Variants in APC observed in about 807,000 individuals in gnomAD.
APC encodes adenomatous polyposis coli protein.
A neutral mutation model predicts 247.0 loss-of-function variants in APC; 72 were observed. The ratio of observed to expected loss-of-function variants is 0.29; its 90% CI spans 0.24 to 0.35. APC has a LOEUF of 0.35. Among genes scored for constraint, APC ranks in the 10% least tolerant of loss-of-function variants. The probability of loss-of-function intolerance (pLI) is 1.00; values close to 1 mark genes in which losing one functional copy is unlikely to be tolerated. For missense variants in APC, 3,400 were observed against 3,360.7 expected, an observed-to-expected ratio of 1.01 and a Z score of -0.29; for synonymous variants, 1,254 against 1,162.5, an observed-to-expected ratio of 1.08 and a Z score of -1.60.
intron 2 of APC, among the ~76,000 whole-genome samples, chr5:112,757,105 A>C (rs949922229): frequency 6.6e-5 from 10 of 152,062 alleles, no homozygotes; most frequent in South Asian, 2.1e-4. Flanking sequence ...CATAAATTTT[A>C]TTTTACTCAG....
In APC at chr5:112,803,987, C is replaced by T. The variant is rs1054528607; in HGVS notation, c.834+2604C>T. Among the ~76,000 whole-genome samples, 6 of 151,976 alleles carry T rather than the reference C, an allele frequency of 3.9e-5. No individual in the cohort carries two copies. The East Asian group carries it at 7.7e-4, about 20-fold the overall frequency. On this transcript the variant is annotated intron_variant, in intron 8 of 15. Transcript: ENST00000257430. The stretch of plus-strand genomic sequence containing the variant: ...GTTGCTTACTCTTCCAAGAGTATCT[C>T]ACAATATTTGCCCACATTTCTCACC...
chr5:112,802,124 T>C (rs1345578943), intron 8 of APC, among the ~76,000 whole-genome samples: 2 of 152,130 alleles, frequency 1.3e-5, no homozygotes, highest in Non-Finnish European at 2.9e-5. Context: ...ACTAAATTGT[T>C]CTTAAAGGTA....
intron 6 of APC, among the ~76,000 whole-genome samples, chr5:112,791,910 C>G (rs980513693): frequency 6.6e-6 from 1 of 152,066 alleles, no homozygotes; most frequent in Non-Finnish European, 1.5e-5. Flanking sequence ...CTAAGCAGAT[C>G]TAGACATCTG....
intron 2 of APC, among the ~76,000 whole-genome samples, chr5:112,760,717 A>T (rs918344910): frequency 1.3e-5 from 2 of 152,192 alleles, no homozygotes; most frequent in East Asian, 3.8e-4. Context: ...GAGAACTTTC[A>T]TATTTTCTAT....
At chr5:112,832,720 T>C (rs749073743) in intron 14 of APC, among the ~76,000 whole-genome samples, 7 of 152,232 alleles carry the variant, frequency 4.6e-5, no homozygotes, top group African/African-American at 1.7e-4. Flanking sequence ...TCTCTGGGAA[T>C]GTACAGGTCT....
chr5:112,769,384 C>A (rs1391896350), intron 4 of APC, among the ~76,000 whole-genome samples: 2 of 151,918 alleles, frequency 1.3e-5, no homozygotes, highest in Non-Finnish European at 1.5e-5. Context: ...AGTTTTAATA[C>A]CTGAAAAAAA....
At chr5:112,710,874 A>G (rs955695014) in intron 1 of APC, among the ~76,000 whole-genome samples, 2 of 152,254 alleles carry the variant, frequency 1.3e-5, no homozygotes, top group Admixed American at 1.3e-4. Context: ...AGAAATTAAT[A>G]CATGTTAAAT....
At chr5:112,749,453 G>A (rs1467137261) in intron 1 of APC, among the ~76,000 whole-genome samples, 3 of 150,498 alleles carry the variant, frequency 2.0e-5, no homozygotes, top group Non-Finnish European at 4.4e-5. Context: ...AGGAGGAGGG[G>A]AAAGATATTA....
intron 1 of APC, among the ~76,000 whole-genome samples, chr5:112,711,024 C>T (rs572876777): frequency 2.0e-5 from 3 of 152,334 alleles, no homozygotes; most frequent in East Asian, 3.9e-4. Flanking sequence ...AATCCAATGA[C>T]GTTTCCTCTG....
intron 6 of APC, among the ~76,000 whole-genome samples, chr5:112,786,908 GTCA>G (rs1759023651): frequency 2.0e-5 from 1 of 49,716 alleles, no homozygotes. Context: ...TTTTTTTTGA[GTCA>G]GAGTCTTACT....
At chr5:112,812,678 T>C (rs749258100) in intron 8 of APC, among the ~76,000 whole-genome samples, 2 of 152,206 alleles carry the variant, frequency 1.3e-5, no homozygotes, top group Non-Finnish European at 2.9e-5. Flanking sequence ...TGTGTGTTCA[T>C]ATAGTTTCTG....
At chr5:112,829,229 C>G in intron 14 of APC, 1 of 368,678 alleles carries the variant, frequency 2.7e-6, no homozygotes. Context: ...ACCTCCGTCT[C>G]CCATGTTCAA....
intron 7 of APC, among the ~76,000 whole-genome samples, chr5:112,797,178 C>A (rs568434432): frequency 6.6e-6 from 1 of 152,160 alleles, no homozygotes; most frequent in Admixed American, 6.5e-5. Context: ...ATAATAGTTA[C>A]ATCAGTTGCA....
intron 7 of APC, among the ~76,000 whole-genome samples, chr5:112,798,201 A>G (rs1462160849): frequency 6.6e-6 from 1 of 152,266 alleles, no homozygotes; most frequent in Non-Finnish European, 1.5e-5. Context: ...TAGTGAATAA[A>G]TAAACAAAAT....
At position 112,839,264 on chromosome 5, in the gene APC, A is replaced by G. The variant is rs1765489544; in HGVS notation, c.3670A>G (p.Asn1224Asp). Residue 1224 changes from asparagine (N) to aspartate (D), a missense_variant, in exon 16 of 16, where the codon AAT becomes GAT. Asn to Asp is a conservative substitution (Grantham distance 23, BLOSUM62 1). Transcript: ENST00000257430. The surrounding 1 kb of genome is among the most constrained non-coding windows in gnomAD (Gnocchi z 5.0). The stretch of plus-strand genomic sequence containing the variant: ...TGAGAATACGTCCACACCTTCATCT[A>G]ATGCCAAGAGGCAGAATCAGCTCCA... The part of the protein sequence containing the change: ...SSENTSTPSS[N>D]AKRQNQLHPS... 1 of 1,614,172 alleles carries G rather than the reference A, an allele frequency of 6.2e-7. No individual in the cohort carries two copies. The highest frequency in any genetic ancestry group is 8.5e-7 in the Non-Finnish European group (1 of 1,180,024).
At position 112,768,734 on chromosome 5, in the gene APC, CCCTGTACAGTAGCGTAGAACACAGT is replaced by C. The variant is rs1561467373; in HGVS notation, c.422+1446_422+1470del. On this transcript the variant is annotated intron_variant, in intron 4 of 15. Coordinates refer to ENST00000257430, the MANE Select transcript of APC (RefSeq NM_000038.6). ...CATCCTATGGTAGCGTAGAACACAGCCCTGTACAGTAGCGTAGAACACAGTCCTGTACAGTAGCGTAGAACACAGT... is the reference window on the plus strand; with the variant it reads ...CATCCTATGGTAGCGTAGAACACAGCCCTGTACAGTAGCGTAGAACACAGT... Among the ~76,000 whole-genome samples, 62 of 150,102 alleles carry C rather than the reference CCCTGTACAGTAGCGTAGAACACAGT, an allele frequency of 4.1e-4. 20 individuals are homozygous for C. Among genetic ancestry groups the C allele is most frequent in the African/African-American group, 1.5e-3 (59 of 40,422 alleles).
At position 112,721,680 on chromosome 5, in the gene APC, C is replaced by T. The variant is rs1232730593; in HGVS notation, c.165+13798C>T. On this transcript the variant is annotated intron_variant, in intron 1 of 13. Transcript: ENST00000507379. ...CAATAGAGGGTACACAGTTGGGTAT[C>T]ATGTCAGAAGATCTTGGGTGTTTAA... is the stretch of plus-strand genomic sequence containing the variant. 2.6e-5 allele frequency among the ~76,000 whole-genome samples: 4 copies of T among 152,186 alleles called. No homozygotes were observed. The East Asian group carries it at 7.7e-4, about 29-fold the overall frequency.
At chr5:112,835,721 C>T (rs1257877694) in intron 15 of APC, among the ~76,000 whole-genome samples, 4 of 151,740 alleles carry the variant, frequency 2.6e-5, no homozygotes, top group Non-Finnish European at 4.4e-5. Context: ...TACAGATGCA[C>T]GCCACAACAC....
intron 4 of APC, among the ~76,000 whole-genome samples, chr5:112,768,687 A>G (rs537952962): frequency 6.6e-6 from 1 of 152,228 alleles, no homozygotes; most frequent in South Asian, 2.1e-4. Flanking sequence ...ATTTGAAACT[A>G]TGTAATATTG....
Sources: gnomAD v4.1 joint callset for allele counts (sites outside exome capture counted in the v4.1 genomes callset) on GRCh38, gnomAD v4.1.1 for gene constraint, Gnocchi (gnomAD v3.1) non-coding constraint, MANE v1.5 for transcripts, NCBI Gene and HGNC (gene_info 2026-07-23, HGNC 2026-07-21) for gene names.